Variants in CTNNA3 observed in about 807,000 individuals in gnomAD.
The protein encoded by CTNNA3 is catenin alpha-3.
A neutral mutation model predicts 95.7 loss-of-function variants in CTNNA3; 76 were observed. The ratio of observed to expected loss-of-function variants is 0.79; its 90% CI spans 0.66 to 0.96. CTNNA3 has a LOEUF of 0.96. CTNNA3 is among the 40% of genes least tolerant of loss of function. CTNNA3 has a pLI of 0.00. For missense variants in CTNNA3, 1,191 were observed against 1,089.8 expected (o/e 1.09, Z -1.31); for synonymous variants, 431 against 374.4 (o/e 1.15, Z -1.74).
chr10:67,463,384 T>C (rs1847458308), intron 5 of CTNNA3, among the ~76,000 whole-genome samples: 2 of 152,128 alleles, frequency 1.3e-5, no homozygotes, highest in South Asian at 4.1e-4. Flanking sequence ...TTGATTTCAT[T>C]TGCTTGATGT....
chr10:67,294,057 C>T (rs1040311858), intron 5 of CTNNA3, among the ~76,000 whole-genome samples: 1 of 152,070 alleles, frequency 6.6e-6, no homozygotes, highest in East Asian at 1.9e-4. Flanking sequence ...TAAAGAATCT[C>T]CAAAGGCTTA....
chr10:67,328,385 G>A (rs1167073018), intron 5 of CTNNA3, among the ~76,000 whole-genome samples: 2 of 152,182 alleles, frequency 1.3e-5, no homozygotes, highest in Non-Finnish European at 2.9e-5. Flanking sequence ...GGTCAGACTG[G>A]CCTCGTCTGA....
intron 11 of CTNNA3, among the ~76,000 whole-genome samples, chr10:66,393,701 T>A (rs1238055138): frequency 6.6e-6 from 1 of 152,088 alleles, no homozygotes; most frequent in Non-Finnish European, 1.5e-5. Context: ...TTTGAGTCTC[T>A]CTTCTTTTCC....
At position 67,751,283 on chromosome 10, in the gene CTNNA3, G is replaced by T. The variant is rs575897506; in HGVS notation, c.-2+12151C>A. 8.7e-6 allele frequency: 9 copies of T among 1,031,166 alleles called. No individual in the cohort carries two copies. The African/African-American group carries it at 1.2e-4, about 14-fold the overall frequency. 63.9% of individuals were successfully genotyped at this position (1,031,166 alleles called of 1,614,324 possible). On this transcript the variant is annotated intron_variant, in intron 1 of 17. Coordinates refer to the CTNNA3 transcript ENST00000684154. ...CAGGGAATTCTCTTTCTTCGCTGAA[G>T]TGTGACATCTCCACTCAAGTCCTAT... is the stretch of plus-strand genomic sequence containing the variant.
intron 13 of CTNNA3, among the ~76,000 whole-genome samples, chr10:66,180,308 T>C (rs545326581): frequency 1.5e-4 from 23 of 152,200 alleles, no homozygotes; most frequent in African/African-American, 4.3e-4. Context: ...TGACAGTAGG[T>C]TTTAGTGAAT....
intron 16 of CTNNA3, among the ~76,000 whole-genome samples, chr10:65,972,815 C>A (rs748765636): frequency 6.6e-6 from 1 of 150,882 alleles, no homozygotes; most frequent in South Asian, 2.1e-4. Flanking sequence ...AAGCAACCAA[C>A]GTCATTTTTC....
At chr10:67,034,170 C>G (rs1428927597) in intron 7 of CTNNA3, among the ~76,000 whole-genome samples, 1 of 152,202 alleles carries the variant, frequency 6.6e-6, no homozygotes. Flanking sequence ...GGACTAGTTT[C>G]CTATCCTTTA....
intron 5 of CTNNA3, among the ~76,000 whole-genome samples, chr10:67,284,487 C>T (rs1479679704): frequency 6.6e-6 from 1 of 151,992 alleles, no homozygotes; most frequent in East Asian, 1.9e-4. Context: ...AGTTCACATA[C>T]TTAAATATAT....
At chr10:67,757,901 C>T (rs747466411) in intron 1 of CTNNA3, among the ~76,000 whole-genome samples, 8 of 152,130 alleles carry the variant, frequency 5.3e-5, no homozygotes, top group Non-Finnish European at 1.2e-4. Context: ...CTGATTAATA[C>T]AGATGTCCAG....
At chr10:67,090,159 G>A (rs1441985867) in intron 7 of CTNNA3, among the ~76,000 whole-genome samples, 2 of 152,016 alleles carry the variant, frequency 1.3e-5, no homozygotes, top group African/African-American at 2.4e-5. Context: ...GTATCCAGGA[G>A]TATACTTAAG....
At chr10:66,648,753 G>C (rs1845793176) in intron 9 of CTNNA3, among the ~76,000 whole-genome samples, 1 of 152,136 alleles carries the variant, frequency 6.6e-6, no homozygotes, top group Non-Finnish European at 1.5e-5. Flanking sequence ...AAAAAGTACA[G>C]GCGTGGCAGC....
intron 9 of CTNNA3, among the ~76,000 whole-genome samples, chr10:66,710,603 T>A (rs1416209928): frequency 6.6e-6 from 1 of 151,966 alleles, no homozygotes; most frequent in African/African-American, 2.4e-5. Flanking sequence ...TTCTTCACAA[T>A]GATAAGCTTA....
At chr10:66,642,613 C>G (rs1845559682) in intron 9 of CTNNA3, among the ~76,000 whole-genome samples, 1 of 151,940 alleles carries the variant, frequency 6.6e-6, no homozygotes, top group Non-Finnish European at 1.5e-5. Context: ...TATTTCCAAA[C>G]AAGGTACTAA....
intron 7 of CTNNA3, among the ~76,000 whole-genome samples, chr10:66,825,055 T>A (rs1301395172): frequency 2.0e-5 from 3 of 151,032 alleles, no homozygotes; most frequent in African/African-American, 7.3e-5. Flanking sequence ...AAAAAAAAAA[T>A]TATTTAGAAA....
At chr10:66,179,012 A>G (rs12772127) in intron 13 of CTNNA3, among the ~76,000 whole-genome samples, 1 of 151,924 alleles carries the variant, frequency 6.6e-6, no homozygotes, top group South Asian at 2.1e-4. Context: ...ACAAAAACTA[A>G]CCATGCAACT....
At chr10:67,706,391 GA>G in intron 1 of CTNNA3, among the ~76,000 whole-genome samples, 1 of 150,628 alleles carries the variant, frequency 6.6e-6, no homozygotes, top group South Asian at 2.1e-4. Context: ...AAGGAGGAAA[GA>G]AAAAAGAAGA....
intron 1 of CTNNA3, among the ~76,000 whole-genome samples, chr10:67,763,178 C>T (rs766804298): frequency 6.6e-6 from 1 of 151,792 alleles, no homozygotes; most frequent in Non-Finnish European, 1.5e-5. Flanking sequence ...TTTGTGTTTA[C>T]GATAAAATTC....
At chr10:67,720,622 T>G (rs1841174642) in intron 1 of CTNNA3, among the ~76,000 whole-genome samples, 1 of 152,114 alleles carries the variant, frequency 6.6e-6, no homozygotes, top group Non-Finnish European at 1.5e-5. Flanking sequence ...GAAGCTTAGG[T>G]TGGCTAGATA....
intron 5 of CTNNA3, among the ~76,000 whole-genome samples, chr10:67,355,649 T>C (rs1410171993): frequency 6.6e-6 from 1 of 151,902 alleles, no homozygotes; most frequent in Non-Finnish European, 1.5e-5. Flanking sequence ...TTTCATAATA[T>C]TAAAATATGA....
Sources: gnomAD v4.1 joint callset for allele counts (sites outside exome capture counted in the v4.1 genomes callset) on GRCh38, gnomAD v4.1.1 for gene constraint, MANE v1.5 for transcripts, NCBI Gene and HGNC (gene_info 2026-07-23, HGNC 2026-07-21) for gene names.